PPP1R12B: variants seen among roughly 807,000 people sequenced by gnomAD.
PPP1R12B encodes the protein myosin phosphatase target subunit 2.
PPP1R12B carries 76 observed loss-of-function variants against 126.1 expected under a neutral mutation model. That is an observed-to-expected ratio of 0.60 (90% CI 0.50 to 0.73). The LOEUF is 0.73. Ranked by LOEUF, PPP1R12B falls within the 30% of genes least tolerant of loss-of-function variation. PPP1R12B has a pLI of 0.00. For synonymous variants in PPP1R12B, 356 were observed against 434.7 expected, an observed-to-expected ratio of 0.82 and a Z score of 2.25; for missense variants, 1,052 against 1,205.1, an observed-to-expected ratio of 0.87 and a Z score of 1.88.
At chr1:202,383,586 T>TG (rs1358163927) in intron 1 of PPP1R12B, among the ~76,000 whole-genome samples, 3 of 152,064 alleles carry the variant, frequency 2.0e-5, no homozygotes, top group African/African-American at 7.2e-5. Flanking sequence ...TAACTGGGTG[T>TG]GGGGGCACAC....
At chr1:202,484,572 A>G (rs750601146) in intron 13 of PPP1R12B, among the ~76,000 whole-genome samples, 39 of 152,184 alleles carry the variant, frequency 2.6e-4, no homozygotes, top group Non-Finnish European at 5.0e-4. Flanking sequence ...ATTTACCTCT[A>G]TTGGTGAGTT....
At chr1:202,488,379 T>C (rs1678426389) in intron 13 of PPP1R12B, among the ~76,000 whole-genome samples, 154 bp from the exon 14 acceptor site, 1 of 152,234 alleles carries the variant, frequency 6.6e-6, no homozygotes, top group Non-Finnish European at 1.5e-5. Context: ...TTCTGTAATG[T>C]TTGCTGATGG....
At chr1:202,428,955 A>C (rs1558213247) in intron 6 of PPP1R12B, 26 bp downstream of exon 6, 1 of 1,570,414 alleles carries the variant, frequency 6.4e-7, no homozygotes, top group East Asian at 2.3e-5. Context: ...GTGCTTTCAA[A>C]AGTTTTCTAA....
At chr1:202,555,247 G>A (rs1686763827) in intron 18 of PPP1R12B, among the ~76,000 whole-genome samples, 1 of 135,764 alleles carries the variant, frequency 7.4e-6, no homozygotes, top group Non-Finnish European at 1.5e-5. Flanking sequence ...TAAAGCAATG[G>A]AAATTATTAG....
chr1:202,444,066 G>T (rs113076624), intron 12 of PPP1R12B, among the ~76,000 whole-genome samples: 2 of 152,094 alleles, frequency 1.3e-5, no homozygotes, highest in Non-Finnish European at 2.9e-5. Context: ...ACCTCTTATG[G>T]TCTTTTTAAA....
At chr1:202,542,700 C>T (rs1431730915) in intron 18 of PPP1R12B, among the ~76,000 whole-genome samples, 4 of 152,176 alleles carry the variant, frequency 2.6e-5, no homozygotes, top group Admixed American at 1.3e-4. Flanking sequence ...CAGTCATACT[C>T]TCTGGGACCA....
chr1:202,454,916 T>C lies in PPP1R12B; in HGVS notation c.1850+5745T>C, dbSNP rs1673427337. 2.6e-5 allele frequency among the ~76,000 whole-genome samples: 4 copies of C among 151,456 alleles called. No individual in the cohort carries two copies. The South Asian group carries it at 6.3e-4, about 24-fold the overall frequency. ...TATCCTCGACCACAGAGCACAACCC[T>C]GTCTCTAAAAAAAAAAAAGATTTCC... is the stretch of plus-strand genomic sequence containing the variant. On this transcript the variant is annotated intron_variant, in intron 13 of 23. Transcript: ENST00000608999.
chr1:202,563,245 T>G (rs1050666924), intron 20 of PPP1R12B, among the ~76,000 whole-genome samples: 6 of 152,146 alleles, frequency 3.9e-5, no homozygotes, highest in Non-Finnish European at 7.4e-5. Context: ...GCCTCCCACA[T>G]AGCTAGAACT....
chr1:202,575,088 G>A, intron 23 of PPP1R12B: 4 of 1,613,560 alleles, frequency 2.5e-6, no homozygotes, highest in Non-Finnish European at 3.4e-6. Flanking sequence ...CCCGAGTGGT[G>A]GCCAGACTCT....
intron 19 of PPP1R12B, among the ~76,000 whole-genome samples, chr1:202,561,714 GAA>G (rs1324129003): frequency 6.6e-6 from 1 of 152,102 alleles, no homozygotes; most frequent in Non-Finnish European, 1.5e-5. Flanking sequence ...AAAAGAAGAA[GAA>G]AAAGAATGTT....
chr1:202,575,596 T>C (rs1405143980), intron 23 of PPP1R12B: 1 of 153,346 alleles, frequency 6.5e-6, no homozygotes, highest in Non-Finnish European at 1.5e-5. Flanking sequence ...GGTTGGGCCT[T>C]GGGTAACCAA....
At chr1:202,392,968 C>T (rs1238186605) in intron 1 of PPP1R12B, among the ~76,000 whole-genome samples, 1 of 152,060 alleles carries the variant, frequency 6.6e-6, no homozygotes, top group Non-Finnish European at 1.5e-5. Context: ...TTTCCAAAGA[C>T]AGGATCTCTC....
chr1:202,551,301 A>T (rs1354955213), intron 18 of PPP1R12B, among the ~76,000 whole-genome samples: 1 of 152,232 alleles, frequency 6.6e-6, no homozygotes, highest in African/African-American at 2.4e-5. Flanking sequence ...ATATAATATG[A>T]TGAAGACATA....
At chr1:202,429,311 A>G (rs570308368) in intron 6 of PPP1R12B, among the ~76,000 whole-genome samples, 11 of 152,216 alleles carry the variant, frequency 7.2e-5, no homozygotes, top group Non-Finnish European at 1.5e-4. Flanking sequence ...CTAAAAGACT[A>G]TCTTTATTTA....
Position 202,531,721 on chromosome 1 carries a change from T to C in PPP1R12B, c.2491-27156T>C, listed in dbSNP as rs2039850. ...ATCTGAACTAAAATACTGTATATTG[T>C]ATCTACTCAGAAGTTTATAAACTAA... On this transcript the variant is annotated intron_variant, in intron 18 of 23. Coordinates refer to ENST00000608999, the MANE Select transcript of PPP1R12B (RefSeq NM_002481.4). Among the ~76,000 whole-genome samples, 577 of 152,326 alleles carry C rather than the reference T, an allele frequency of 3.8e-3. 1 individual carries two copies. Among genetic ancestry groups the C allele is most frequent in the African/African-American group, 0.013 (551 of 41,578 alleles).
chr1:202,499,995 AAAAG>A (rs1204065270), intron 18 of PPP1R12B, among the ~76,000 whole-genome samples: 1 of 152,258 alleles, frequency 6.6e-6, no homozygotes, highest in Non-Finnish European at 1.5e-5. Flanking sequence ...GATATAGAGA[AAAAG>A]AAACTCTTAA....
intron 18 of PPP1R12B, among the ~76,000 whole-genome samples, chr1:202,513,786 A>C (rs1446240384): frequency 6.6e-6 from 1 of 152,190 alleles, no homozygotes; most frequent in Non-Finnish European, 1.5e-5. Flanking sequence ...TATCAGAATG[A>C]TTGTGGGGTG....
intron 13 of PPP1R12B, among the ~76,000 whole-genome samples, chr1:202,473,110 T>C (rs1676153245): frequency 6.6e-6 from 1 of 152,212 alleles, no homozygotes; most frequent in Non-Finnish European, 1.5e-5. Context: ...CTTAAAAAAT[T>C]CTTAATGGAA....
rs74136786 is a variant in PPP1R12B at position 202,423,304 on chromosome 1, C to G, written c.541+566C>G. Among the ~76,000 whole-genome samples the G allele has an allele frequency of 4.8e-3, 731 of 151,706 alleles. 2 individuals are homozygous for G. Among genetic ancestry groups the G allele is most frequent in the African/African-American group, 0.017 (700 of 41,410 alleles). ...TTTTCAACCTGGAAGTCCCTGGGTT[C>G]TTTTTCCACCACAAAACTCTGCGGA... On this transcript the variant is annotated intron_variant, in intron 3 of 23. Transcript: ENST00000608999.
Sources: allele counts gnomAD v4.1 joint callset (sites outside exome capture counted in the v4.1 genomes callset), GRCh38; gene constraint gnomAD v4.1.1; transcripts MANE v1.5; gene names NCBI Gene and HGNC (gene_info 2026-07-23, HGNC 2026-07-21).